Variants in ZNF18 observed in about 807,000 individuals in gnomAD.
ZNF18 encodes the protein heart development-specific gene 1 protein.
Under a neutral mutation model 58.1 loss-of-function variants are expected in ZNF18, and 42 were observed. That is an observed-to-expected ratio of 0.72 (90% CI 0.56 to 0.93). ZNF18 has a LOEUF of 0.93. ZNF18 is among the 40% of genes least tolerant of loss of function. The probability of loss-of-function intolerance (pLI) is 0.00; values close to 1 mark genes in which losing one functional copy is unlikely to be tolerated. For missense variants in ZNF18, 540 were observed against 644.2 expected, an observed-to-expected ratio of 0.84 and a Z score of 1.75; for synonymous variants, 231 against 239.8, an observed-to-expected ratio of 0.96 and a Z score of 0.34.
At chr17:12,020,336 C>T in the ZNF18 span, among the ~76,000 whole-genome samples, 2 of 152,160 alleles carry the variant, frequency 1.3e-5, no homozygotes, top group East Asian at 3.9e-4. Flanking sequence ...GTTAGTTCCC[C>T]TTGGGACTCC....
the ZNF18 span, among the ~76,000 whole-genome samples, chr17:12,012,614 A>G: frequency 6.6e-6 from 1 of 152,184 alleles, no homozygotes; most frequent in Non-Finnish European, 1.5e-5. Flanking sequence ...ACTTTCATCA[A>G]TATATTGTGT....
chr17:11,977,646 GCTTCCCAGAAAGCACTT>G lies in ZNF18; in HGVS notation c.*294_*310del. On this transcript the variant is annotated 3_prime_UTR_variant, in exon 7 of 7. Coordinates refer to ENST00000580306, the MANE Select transcript of ZNF18 (RefSeq NM_001303281.2). ...GTGACTACAGCTAATCCCATTAAAT[GCTTCCCAGAAAGCACTT>G]CTAAAACTGGATCTCCAATTTAGAC... 1 of 262,936 alleles carries G rather than the reference GCTTCCCAGAAAGCACTT, an allele frequency of 3.8e-6. No homozygotes were observed. Among genetic ancestry groups the G allele is most frequent in the South Asian group, 8.1e-5 (1 of 12,276 alleles). The allele number at this position is 262,936 out of a possible 1,614,324, so 16.3% of individuals were successfully genotyped here.
chr17:12,009,623 T>A, the ZNF18 span, among the ~76,000 whole-genome samples: 1 of 151,968 alleles, frequency 6.6e-6, no homozygotes, highest in Non-Finnish European at 1.5e-5. Context: ...CGGCTAATTT[T>A]TGTATTCTTG....
intron 4 of ZNF18, among the ~76,000 whole-genome samples, 190 bp from the exon 5 acceptor site, chr17:11,984,387 A>C (rs997599970): frequency 6.6e-6 from 1 of 152,158 alleles, no homozygotes; most frequent in Non-Finnish European, 1.5e-5. Context: ...AACAGTCCCT[A>C]TATCAGTGTT....
the ZNF18 span, among the ~76,000 whole-genome samples, chr17:12,015,516 C>T: frequency 2.0e-5 from 3 of 152,244 alleles, no homozygotes; most frequent in South Asian, 6.2e-4. Context: ...TTCTGTGTGA[C>T]ATTTTTAGTT....
At chr17:12,016,531 T>C in the ZNF18 span, among the ~76,000 whole-genome samples, 1 of 152,118 alleles carries the variant, frequency 6.6e-6, no homozygotes, top group African/African-American at 2.4e-5. Flanking sequence ...GGTTTCGCGA[T>C]GTTGCCCACC....
chr17:11,987,318 C>A (rs1262184746), intron 4 of ZNF18, among the ~76,000 whole-genome samples: 5 of 152,164 alleles, frequency 3.3e-5, no homozygotes, highest in Non-Finnish European at 5.9e-5. Flanking sequence ...CTACTGTGTA[C>A]TGATAGTAAT....
At chr17:12,020,556 A>C in the ZNF18 span, among the ~76,000 whole-genome samples, 4 of 152,208 alleles carry the variant, frequency 2.6e-5, no homozygotes, top group African/African-American at 9.6e-5. Flanking sequence ...ACAGACCTCC[A>C]TGGGAATGAT....
At chr17:11,998,050 C>T (rs1044747479), upstream of ZNF18, among the ~76,000 whole-genome samples, 2 of 130,370 alleles carry the variant, frequency 1.5e-5, no homozygotes, top group African/African-American at 5.2e-5. Context: ...CTGCGTCTCT[C>T]TCTCTTCTCT....
intron 1 of ZNF18, among the ~76,000 whole-genome samples, chr17:11,993,890 G>A (rs1968304395): frequency 6.7e-6 from 1 of 148,310 alleles, no homozygotes; most frequent in Non-Finnish European, 1.5e-5. Context: ...TACTCCTATG[G>A]TGTTGATATA....
At chr17:12,004,289 C>T in the ZNF18 span, among the ~76,000 whole-genome samples, 5 of 151,730 alleles carry the variant, frequency 3.3e-5, no homozygotes, top group South Asian at 1.0e-3. Flanking sequence ...TTGAGACATA[C>T]TGAAGTTAGT....
At chr17:12,004,232 C>CA in the ZNF18 span, among the ~76,000 whole-genome samples, 164 of 127,706 alleles carry the variant, frequency 1.3e-3, no homozygotes, top group Middle Eastern at 4.2e-3. Flanking sequence ...CTCTGTGTCT[C>CA]AAAAAAAAAA....
At chr17:11,980,497 T>A (rs1179392485) in intron 6 of ZNF18, among the ~76,000 whole-genome samples, 1 of 152,132 alleles carries the variant, frequency 6.6e-6, no homozygotes, top group Admixed American at 6.5e-5. Flanking sequence ...CTTGGCTCAC[T>A]GCAACCTCTG....
At chr17:11,978,860 T>TTTTG (rs1967163690) in intron 6 of ZNF18, 116 bp from the exon 7 acceptor site, 1 of 739,004 alleles carries the variant, frequency 1.4e-6, no homozygotes, top group Non-Finnish European at 2.0e-6. Flanking sequence ...TTTTTTTTTT[T>TTTTG]TTTTTTAGGG....
upstream of ZNF18, among the ~76,000 whole-genome samples, chr17:12,001,544 G>C (rs1968655857): frequency 6.6e-6 from 1 of 152,084 alleles, no homozygotes; most frequent in Admixed American, 6.6e-5. Context: ...TAGGAGAATG[G>C]CATGAACCCA....
rs763925016 is a variant in ZNF18, at chr17:11,992,485, A to G, written c.345T>C (p.Leu115=). 15 of 1,614,120 alleles carry G rather than the reference A, an allele frequency of 9.3e-6. No homozygotes were observed. The highest frequency in any genetic ancestry group is 1.3e-5 in the Non-Finnish European group (15 of 1,180,000). ...CPGSGEEAVT[L]VESLKGDPQR... is the part of the protein sequence containing the mutation. ...GGGGGTCCCCCTTCAAGCTTTCCAC[A>G]AGGGTCACTGCCTCTTCTCCACTTC... is the stretch of plus-strand genomic sequence containing the variant. Residue 115 remains leucine (L), a synonymous_variant, in exon 2 of 7, where the codon CTT becomes CTC. Transcript: ENST00000580306.
In ZNF18 at chr17:11,990,873, G is replaced by A. The variant is rs150998905; in HGVS notation, c.577+101C>T. The stretch of plus-strand genomic sequence containing the variant: ...TCTAACCTGTTTGCAAACCTCTCAG[G>A]GATACGCCAATCTGAGCAGCATACC... On this transcript the variant is annotated intron_variant, in intron 3 of 6. Coordinates refer to ENST00000580306, the MANE Select transcript of ZNF18 (RefSeq NM_001303281.2). The A allele has an allele frequency of 2.7e-3, 3,576 of 1,321,002 alleles. 15 individuals are homozygous for A. Among genetic ancestry groups the A allele is most frequent in the Non-Finnish European group, 2.7e-3 (2,525 of 951,148 alleles). The allele number at this position is 1,321,002 out of a possible 1,614,324, so 81.8% of individuals were successfully genotyped here.
In ZNF18 at chr17:11,978,389, C is replaced by G. The variant is rs1229515359; in HGVS notation, c.1218G>C (p.Lys406Asn). Residue 406 changes from lysine to asparagine, a missense_variant, in exon 7 of 7, where the codon AAG (lysine) becomes AAC (asparagine). Transcript: ENST00000580306. ...TCCCACACTCCCTGCAGGTGGGGAG[C>G]TTCTGGGCCATGGGGGCTCTTGGCT... Reference protein sequence around the residue: ...KGQPRAPMAQKLPTCRECGKT... With the variant: ...KGQPRAPMAQNLPTCRECGKT... The G allele has an allele frequency of 1.3e-6, 2 of 1,548,934 alleles. No homozygotes were observed. The highest frequency in any genetic ancestry group is 1.7e-6 in the Non-Finnish European group (2 of 1,152,222).
intron 1 of ZNF18, 152 bp from the exon 2 acceptor site, chr17:11,993,063 T>A (rs1211250593): frequency 9.5e-6 from 5 of 525,426 alleles, no homozygotes; most frequent in African/African-American, 1.9e-5. Flanking sequence ...TGAAAGATTA[T>A]AAACTTGAAG....
Sources: gnomAD v4.1 joint callset for allele counts (sites outside exome capture counted in the v4.1 genomes callset) on GRCh38, gnomAD v4.1.1 for gene constraint, MANE v1.5 for transcripts, NCBI Gene and HGNC (gene_info 2026-07-23, HGNC 2026-07-21) for gene names.